The following BMPR1B variants were observed in gnomAD, a reference collection of about 807,000 sequenced individuals.
BMPR1B encodes the protein bone morphogenetic protein receptor type-1B.
A neutral mutation model predicts 59.1 loss-of-function variants in BMPR1B; 12 were observed. That is an observed-to-expected ratio of 0.20 (90% CI 0.13 to 0.33). The LOEUF is 0.33. BMPR1B is among the 10% of genes least tolerant of loss of function. The pLI is 1.00. For synonymous variants in BMPR1B, 237 were observed against 207.3 expected (o/e 1.14, Z -1.23); for missense variants, 550 against 610.9 (o/e 0.90, Z 1.05).
At chr4:94,957,339 T>G (rs915508992) in intron 2 of BMPR1B, among the ~76,000 whole-genome samples, 4 of 97,532 alleles carry the variant, frequency 4.1e-5, no homozygotes, top group South Asian at 8.7e-4. Flanking sequence ...TCGTGTTTTT[T>G]TTTTTTTTTT....
chr4:95,001,936 T>G, intron 3 of BMPR1B, among the ~76,000 whole-genome samples: 1 of 152,202 alleles, frequency 6.6e-6, no homozygotes, highest in Non-Finnish European at 1.5e-5. Flanking sequence ...TAAAATTTGC[T>G]TGTATACTTA....
intron 1 of BMPR1B, among the ~76,000 whole-genome samples, chr4:94,778,476 C>T (rs1209520023): frequency 2.6e-5 from 4 of 152,040 alleles, no homozygotes; most frequent in Non-Finnish European, 4.4e-5. Context: ...TTTATTTTTC[C>T]ATTTACTTCC....
chr4:95,158,434 C>T lies in BMPR1B; in HGVS notation c.*3761C>T, dbSNP rs944956784. Reference sequence around the variant, plus strand: ...CCCCTAAATAAAATGGCTTCATTCTCCCCTTGGAAAAAAACATGACTGTTA... The same window carrying T: ...CCCCTAAATAAAATGGCTTCATTCTTCCCTTGGAAAAAAACATGACTGTTA... On this transcript the variant is annotated 3_prime_UTR_variant, in exon 13 of 13. Coordinates refer to ENST00000515059, the MANE Select transcript of BMPR1B (RefSeq NM_001203.3). 6.6e-6 allele frequency: 1 copy of T among 151,970 alleles called. No individual in the cohort carries two copies. Among genetic ancestry groups the T allele is most frequent in the African/African-American group, 2.4e-5 (1 of 41,370 alleles). 9.4% of individuals were successfully genotyped at this position (151,970 alleles called of 1,614,324 possible).
intron 2 of BMPR1B, among the ~76,000 whole-genome samples, chr4:94,933,978 ATT>A (rs1292372107): frequency 6.6e-6 from 1 of 152,132 alleles, no homozygotes; most frequent in Admixed American, 6.6e-5. Context: ...GCTCTGTTGT[ATT>A]TCCAACTATG....
At position 94,804,946 on chromosome 4, in the gene BMPR1B, G is replaced by A. The variant is rs955428746; in HGVS notation, c.-183+46878G>A. On this transcript the variant is annotated intron_variant, in intron 1 of 12. Coordinates refer to ENST00000515059, the MANE Select transcript of BMPR1B (RefSeq NM_001203.3). Reference sequence around the variant, plus strand: ...AGAGTATAATATTAATACTATTTATGTTTACATAATTCTGGAATTCATTAT... The same window carrying A: ...AGAGTATAATATTAATACTATTTATATTTACATAATTCTGGAATTCATTAT... Among the ~76,000 whole-genome samples, 195 of 152,084 alleles carry A rather than the reference G, an allele frequency of 1.3e-3. 6 individuals are homozygous for A. Among genetic ancestry groups the A allele is most frequent in the Non-Finnish European group, 9.6e-4 (65 of 68,010 alleles).
At chr4:94,969,868 A>G (rs1259667971) in intron 2 of BMPR1B, among the ~76,000 whole-genome samples, 1 of 152,214 alleles carries the variant, frequency 6.6e-6, no homozygotes, top group Non-Finnish European at 1.5e-5. Flanking sequence ...ACTTTGTCCA[A>G]TAATTATATC....
intron 2 of BMPR1B, among the ~76,000 whole-genome samples, chr4:94,888,488 A>G (rs1437126303): frequency 2.0e-5 from 3 of 152,084 alleles, no homozygotes; most frequent in Admixed American, 2.0e-4. Flanking sequence ...TAACAATGAT[A>G]ATAATGATAC....
intron 5 of BMPR1B, 97 bp from the exon 6 acceptor site, chr4:95,115,588 A>C: frequency 9.8e-7 from 1 of 1,023,186 alleles, no homozygotes; most frequent in Non-Finnish European, 1.5e-6. Context: ...AGAATTTTAA[A>C]TTAGTTCTCT....
chr4:95,068,036 G>A (rs992199556), intron 3 of BMPR1B, among the ~76,000 whole-genome samples: 2 of 152,206 alleles, frequency 1.3e-5, no homozygotes, highest in Non-Finnish European at 2.9e-5. Flanking sequence ...GCATGGCACT[G>A]CTGGAGAACT....
rs912508426 is a variant in BMPR1B at position 94,985,250 on chromosome 4, A to G, written c.-112-10790A>G. Among the ~76,000 whole-genome samples the G allele has an allele frequency of 5.3e-5, 8 of 152,110 alleles. No homozygotes were observed. The East Asian group carries it at 1.5e-3, about 29-fold the overall frequency. ...CAATATAGAAGATTGATGGAGGAGA[A>G]AGGAAAGTGGTGCCAGGGAGACTAG... On this transcript the variant is annotated intron_variant, in intron 2 of 12. Transcript: ENST00000515059.
At chr4:95,047,500 T>A (rs1158071756) in intron 3 of BMPR1B, among the ~76,000 whole-genome samples, 1 of 151,980 alleles carries the variant, frequency 6.6e-6, no homozygotes, top group Admixed American at 6.6e-5. Flanking sequence ...TCTCATCATA[T>A]CAGGGGTACC....
intron 1 of BMPR1B, among the ~76,000 whole-genome samples, chr4:94,814,977 C>T (rs1382624932): frequency 6.6e-6 from 1 of 151,980 alleles, no homozygotes; most frequent in Non-Finnish European, 1.5e-5. Flanking sequence ...CATCTTGGCT[C>T]ACTGCAACCC....
chr4:94,915,031 A>G (rs907906189), intron 2 of BMPR1B, among the ~76,000 whole-genome samples: 1 of 152,156 alleles, frequency 6.6e-6, no homozygotes, highest in African/African-American at 2.4e-5. Context: ...TTTGCTATAG[A>G]AGATCATTTG....
chr4:94,858,047 G>C (rs553273121), intron 1 of BMPR1B, among the ~76,000 whole-genome samples: 1 of 151,988 alleles, frequency 6.6e-6, no homozygotes, highest in Admixed American at 6.6e-5. Context: ...CAGGGTTCAC[G>C]CCATTCTCCT....
chr4:94,861,726 A>G (rs1725984855), intron 1 of BMPR1B, among the ~76,000 whole-genome samples: 1 of 152,212 alleles, frequency 6.6e-6, no homozygotes, highest in South Asian at 2.1e-4. Context: ...CCCAATAAAC[A>G]CATGGTGATT....
chr4:95,102,582 C>T (rs1351575001), intron 3 of BMPR1B, among the ~76,000 whole-genome samples: 1 of 152,058 alleles, frequency 6.6e-6, no homozygotes, highest in African/African-American at 2.4e-5. Context: ...ACATTGAGAA[C>T]CAGGTTTAGA....
intron 3 of BMPR1B, among the ~76,000 whole-genome samples, chr4:95,011,307 G>A (rs1048630911): frequency 3.9e-5 from 6 of 152,134 alleles, no homozygotes; most frequent in Admixed American, 2.6e-4. Context: ...CCGCTTATAA[G>A]TGAGAACATA....
intron 2 of BMPR1B, among the ~76,000 whole-genome samples, chr4:94,888,844 C>A (rs1325050646): frequency 2.6e-5 from 4 of 151,922 alleles, no homozygotes; most frequent in Admixed American, 2.0e-4. Flanking sequence ...TAATGATATA[C>A]TTCTAATATA....
chr4:94,887,847 A>G (rs899234463), intron 2 of BMPR1B, among the ~76,000 whole-genome samples: 3 of 152,088 alleles, frequency 2.0e-5, no homozygotes, highest in African/African-American at 7.2e-5. Context: ...ACTATAATCC[A>G]AGAAAATTTT....
Sources: gnomAD v4.1 joint callset for allele counts (sites outside exome capture counted in the v4.1 genomes callset) on GRCh38, gnomAD v4.1.1 for gene constraint, MANE v1.5 for transcripts, NCBI Gene and HGNC (gene_info 2026-07-23, HGNC 2026-07-21) for gene names.